PTH2R: variants seen among roughly 807,000 people sequenced by gnomAD.
The protein encoded by PTH2R is PTH2 receptor.
A neutral mutation model predicts 60.3 loss-of-function variants in PTH2R; 59 were observed. That is an observed-to-expected ratio of 0.98 (90% CI 0.79 to 1.22). The LOEUF is 1.22. Among genes scored for constraint, PTH2R ranks in the 50% most tolerant of loss-of-function variants. PTH2R has a pLI of 0.00. For synonymous variants in PTH2R, 256 were observed against 243.8 expected, an observed-to-expected ratio of 1.05 and a Z score of -0.47; for missense variants, 749 against 682.6, an observed-to-expected ratio of 1.10 and a Z score of -1.08.
At chr2:208,366,204 C>T in intron 1 of PTH2R, among the ~76,000 whole-genome samples, 1 of 151,172 alleles carries the variant, frequency 6.6e-6, no homozygotes, top group East Asian at 1.9e-4. Flanking sequence ...TTTTTAATTA[C>T]CAACTCAATT....
At chr2:208,379,123 C>G (rs1189624785) in intron 1 of PTH2R, among the ~76,000 whole-genome samples, 4 of 152,152 alleles carry the variant, frequency 2.6e-5, no homozygotes, top group Non-Finnish European at 5.9e-5. Flanking sequence ...TTCATACCAC[C>G]ATTATCACTT....
intron 1 of PTH2R, among the ~76,000 whole-genome samples, chr2:208,412,244 A>G (rs78089802): frequency 4.0e-4 from 61 of 152,326 alleles, no homozygotes; most frequent in African/African-American, 1.4e-3. Flanking sequence ...TTGCTGATGG[A>G]TATTACCACT....
At chr2:208,390,740 G>A (rs191682486) in intron 1 of PTH2R, among the ~76,000 whole-genome samples, 66 of 152,290 alleles carry the variant, frequency 4.3e-4, no homozygotes, top group African/African-American at 1.5e-3. Flanking sequence ...ATAGTAGAGT[G>A]AGTATAACAA....
At chr2:208,370,239 C>T (rs1225255589) in intron 1 of PTH2R, among the ~76,000 whole-genome samples, 1 of 151,646 alleles carries the variant, frequency 6.6e-6, no homozygotes, top group Admixed American at 6.6e-5. Flanking sequence ...GTCAGGGGAT[C>T]GAGACCATCC....
intron 1 of PTH2R, among the ~76,000 whole-genome samples, chr2:208,361,801 G>A (rs1282625307): frequency 6.6e-6 from 1 of 150,686 alleles, no homozygotes; most frequent in East Asian, 1.9e-4. Flanking sequence ...CTATTCGTTT[G>A]TATGTATATG....
chr2:208,448,292 A>G (rs1339212198), intron 7 of PTH2R, among the ~76,000 whole-genome samples: 6 of 152,154 alleles, frequency 3.9e-5, no homozygotes, highest in Non-Finnish European at 7.4e-5. Flanking sequence ...TGTTGTGATC[A>G]TATGTATCAT....
At chr2:208,458,130 A>T (rs140052009) in intron 8 of PTH2R, among the ~76,000 whole-genome samples, 24 of 152,282 alleles carry the variant, frequency 1.6e-4, no homozygotes, top group African/African-American at 5.8e-4. Flanking sequence ...TAAGATCTTT[A>T]CTAGTACAAA....
At chr2:208,465,388 C>CTTTTTTTTTTTTTTTTTTTT (rs60871321) in intron 9 of PTH2R, among the ~76,000 whole-genome samples, 1 of 39,904 alleles carries the variant, frequency 2.5e-5, no homozygotes. Context: ...ATTTGTAAGT[C>CTTTTTTTTTTTTTTTTTTTT]TTTTTTTTTT....
chr2:208,435,769 G>C (rs961423336), intron 2 of PTH2R, among the ~76,000 whole-genome samples: 1 of 152,158 alleles, frequency 6.6e-6, no homozygotes, highest in African/African-American at 2.4e-5. Flanking sequence ...TTGGCCTCAC[G>C]GGTCTACAAG....
intron 1 of PTH2R, among the ~76,000 whole-genome samples, chr2:208,420,393 C>T (rs1278129598): frequency 1.3e-5 from 2 of 152,036 alleles, no homozygotes; most frequent in Non-Finnish European, 2.9e-5. Context: ...ATTTTACATT[C>T]CCATGAGCAT....
intron 4 of PTH2R, among the ~76,000 whole-genome samples, chr2:208,439,570 T>A (rs1215716596): frequency 6.6e-6 from 1 of 151,996 alleles, no homozygotes; most frequent in East Asian, 1.9e-4. Flanking sequence ...TTAGAATAAA[T>A]GCCACATTTT....
intron 1 of PTH2R, among the ~76,000 whole-genome samples, chr2:208,410,732 T>C (rs368067567): frequency 6.6e-6 from 1 of 152,126 alleles, no homozygotes; most frequent in South Asian, 2.1e-4. Context: ...AACAGTAATA[T>C]ATGTTTTATG....
chr2:208,421,848 CA>C lies in PTH2R; in HGVS notation c.76-6351del, dbSNP rs2105847503. 3.3e-5 allele frequency among the ~76,000 whole-genome samples: 5 copies of C among 152,272 alleles called. 1 individual carries two copies. The highest frequency in any genetic ancestry group is 1.2e-4 in the African/African-American group (5 of 41,566). On this transcript the variant is annotated intron_variant, in intron 1 of 12. Transcript: ENST00000272847. ...GGAGTATATGAGAAACCCTGAATTC[CA>C]AGCAAAATTCCTTCTTATAGACCAG...
chr2:208,469,130 A>G (rs1381075848), intron 9 of PTH2R, among the ~76,000 whole-genome samples: 1 of 152,230 alleles, frequency 6.6e-6, no homozygotes, highest in Admixed American at 6.5e-5. Flanking sequence ...TGTTCTTTTC[A>G]CTTGCTTTCT....
At chr2:208,385,797 C>T (rs1458393147) in intron 1 of PTH2R, among the ~76,000 whole-genome samples, 1 of 152,190 alleles carries the variant, frequency 6.6e-6, no homozygotes, top group African/African-American at 2.4e-5. Context: ...GAATAAAACA[C>T]AGAAGATAAG....
At chr2:208,453,815 A>G (rs1183000532) in intron 8 of PTH2R, among the ~76,000 whole-genome samples, 1 of 152,218 alleles carries the variant, frequency 6.6e-6, no homozygotes, top group Non-Finnish European at 1.5e-5. Context: ...CAGGGGACAG[A>G]TCTGAGAATT....
At chr2:208,479,446 A>G (rs910707369) in intron 9 of PTH2R, among the ~76,000 whole-genome samples, 79 of 152,188 alleles carry the variant, frequency 5.2e-4, no homozygotes, top group African/African-American at 1.9e-3. Context: ...CAGCAGTTCC[A>G]TGCATCACTC....
At chr2:208,479,932 G>T (rs994478565) in intron 9 of PTH2R, among the ~76,000 whole-genome samples, 2 of 152,186 alleles carry the variant, frequency 1.3e-5, no homozygotes, top group African/African-American at 4.8e-5. Flanking sequence ...GCTATTATCG[G>T]CCTGGAAACA....
chr2:208,386,797 C>T (rs1701011247), intron 1 of PTH2R, among the ~76,000 whole-genome samples: 1 of 152,154 alleles, frequency 6.6e-6, no homozygotes. Flanking sequence ...ACACTAATCC[C>T]ATGATGAGAG....
Sources: allele counts gnomAD v4.1 joint callset (sites outside exome capture counted in the v4.1 genomes callset), GRCh38; gene constraint gnomAD v4.1.1; transcripts MANE v1.5; gene names NCBI Gene and HGNC (gene_info 2026-07-23, HGNC 2026-07-21).